Variants in CTNNA3 observed in about 807,000 individuals in gnomAD.
The protein encoded by CTNNA3 is catenin alpha 3.
Under a neutral mutation model 95.7 loss-of-function variants are expected in CTNNA3, and 76 were observed. That is an observed-to-expected ratio of 0.79 (90% CI 0.66 to 0.96). CTNNA3 has a LOEUF of 0.96. Among genes scored for constraint, CTNNA3 ranks in the 40% least tolerant of loss-of-function variants. The pLI is 0.00. For missense variants in CTNNA3, 1,191 were observed against 1,089.8 expected (o/e 1.09, Z -1.31); for synonymous variants, 431 against 374.4 (o/e 1.15, Z -1.74).
chr10:66,456,020 CA>C (rs1417187536), intron 11 of CTNNA3, among the ~76,000 whole-genome samples: 1 of 152,110 alleles, frequency 6.6e-6, no homozygotes, highest in African/African-American at 2.4e-5. Flanking sequence ...ATGCAGAAAA[CA>C]ACAAATGCTG....
At chr10:66,107,705 A>C (rs1242753609) in intron 13 of CTNNA3, among the ~76,000 whole-genome samples, 1 of 152,132 alleles carries the variant, frequency 6.6e-6, no homozygotes, top group African/African-American at 2.4e-5. Context: ...TCCCTAATGA[A>C]ACAGGTGGCA....
At chr10:66,516,367 G>C (rs998220215) in intron 11 of CTNNA3, among the ~76,000 whole-genome samples, 1 of 152,168 alleles carries the variant, frequency 6.6e-6, no homozygotes, top group East Asian at 1.9e-4. Context: ...CTGCTTGACT[G>C]TTTAATGGCC....
At chr10:67,223,174 T>C (rs1291504944) in intron 5 of CTNNA3, among the ~76,000 whole-genome samples, 3 of 152,176 alleles carry the variant, frequency 2.0e-5, no homozygotes, top group South Asian at 2.1e-4. Flanking sequence ...TAAGGAAAAC[T>C]GACAAGGCAT....
At chr10:67,330,638 C>G (rs939997761) in intron 5 of CTNNA3, among the ~76,000 whole-genome samples, 2 of 151,982 alleles carry the variant, frequency 1.3e-5, no homozygotes, top group African/African-American at 4.8e-5. Flanking sequence ...GTGAGTCCTG[C>G]TGCCACCCCA....
At chr10:66,484,749 T>C (rs977850218) in intron 11 of CTNNA3, among the ~76,000 whole-genome samples, 3 of 151,948 alleles carry the variant, frequency 2.0e-5, no homozygotes, top group Non-Finnish European at 4.4e-5. Context: ...ATTACCCACA[T>C]AACAAAGTCA....
At chr10:67,451,970 C>T (rs1330460812) in intron 5 of CTNNA3, among the ~76,000 whole-genome samples, 3 of 144,050 alleles carry the variant, frequency 2.1e-5, no homozygotes, top group African/African-American at 7.6e-5. Flanking sequence ...GTGATAACTA[C>T]ATGCAAACAC....
chr10:67,633,599 C>G (rs1243486141), intron 2 of CTNNA3, among the ~76,000 whole-genome samples: 1 of 152,128 alleles, frequency 6.6e-6, no homozygotes, highest in Non-Finnish European at 1.5e-5. Flanking sequence ...ACTGAGGCAA[C>G]TAGGGTCTGG....
chr10:66,539,334 C>A (rs1314177238), intron 10 of CTNNA3, among the ~76,000 whole-genome samples: 1 of 152,022 alleles, frequency 6.6e-6, no homozygotes. Context: ...AGTAAATCTA[C>A]ATTTACATAA....
In CTNNA3 at chr10:66,090,594, AC is replaced by A. The variant is rs1223003977; in HGVS notation, c.1977+12562del. On this transcript the variant is annotated intron_variant, in intron 14 of 17. Coordinates refer to ENST00000433211, the MANE Select transcript of CTNNA3 (RefSeq NM_013266.4). ...TAGTAAGTGGCAAAGTCTGATTCAA[AC>A]ATAGGAGTCTAGCTCCAGAAATTGT... 2.0e-5 allele frequency among the ~76,000 whole-genome samples: 3 copies of A among 152,176 alleles called. 1 individual carries two copies. The highest frequency in any genetic ancestry group is 3.9e-4 in the East Asian group (2 of 5,166).
At chr10:66,164,270 T>C (rs2085006818) in intron 13 of CTNNA3, among the ~76,000 whole-genome samples, 1 of 152,210 alleles carries the variant, frequency 6.6e-6, no homozygotes, top group South Asian at 2.1e-4. Context: ...ACCATCAAGA[T>C]ACCTATTAAT....
chr10:66,896,045 C>T (rs10997435), intron 7 of CTNNA3, among the ~76,000 whole-genome samples: 60,357 of 151,708 alleles, frequency 0.4, 12,307 homozygotes, highest in Non-Finnish European at 0.44. Flanking sequence ...TGTGGTGAGC[C>T]GAGATTGCGC....
chr10:67,233,630 A>C (rs1221752767), intron 5 of CTNNA3, among the ~76,000 whole-genome samples: 1 of 147,568 alleles, frequency 6.8e-6, no homozygotes, highest in Non-Finnish European at 1.5e-5. Context: ...ACACATTCAA[A>C]AGCTAGCAGA....
chr10:67,083,175 A>C (rs1465044374), intron 7 of CTNNA3, among the ~76,000 whole-genome samples: 1 of 152,198 alleles, frequency 6.6e-6, no homozygotes, highest in Non-Finnish European at 1.5e-5. Context: ...TTTGAGAAAA[A>C]AAAAAACTTC....
At chr10:67,312,592 A>G (rs538244408) in intron 5 of CTNNA3, among the ~76,000 whole-genome samples, 2 of 152,350 alleles carry the variant, frequency 1.3e-5, no homozygotes, top group South Asian at 4.1e-4. Context: ...AAGGGGGAGA[A>G]GAGGAGACTG....
intron 11 of CTNNA3, among the ~76,000 whole-genome samples, chr10:66,491,635 A>G (rs1839927015): frequency 6.6e-6 from 1 of 152,180 alleles, no homozygotes; most frequent in Non-Finnish European, 1.5e-5. Context: ...TGGTAAATAG[A>G]CATCCTTAAA....
intron 5 of CTNNA3, among the ~76,000 whole-genome samples, chr10:67,279,509 A>G (rs1276891238): frequency 6.6e-6 from 1 of 152,082 alleles, no homozygotes; most frequent in Non-Finnish European, 1.5e-5. Context: ...GGAAATACAC[A>G]CACTGCAAGA....
intron 9 of CTNNA3, among the ~76,000 whole-genome samples, chr10:66,657,334 T>C (rs146490630): frequency 1.9e-4 from 29 of 152,314 alleles, no homozygotes; most frequent in African/African-American, 6.0e-4. Context: ...TTTAATCTTA[T>C]AGCAACCTTA....
intron 13 of CTNNA3, among the ~76,000 whole-genome samples, chr10:66,239,795 C>A (rs2090023149): frequency 6.6e-6 from 1 of 151,822 alleles, no homozygotes; most frequent in South Asian, 2.1e-4. Context: ...TGTTACTAGG[C>A]TACTTAACTG....
At chr10:66,965,479 G>T (rs528149763) in intron 7 of CTNNA3, among the ~76,000 whole-genome samples, 2 of 150,250 alleles carry the variant, frequency 1.3e-5, no homozygotes, top group African/African-American at 4.9e-5. Context: ...AGGTTGCAGT[G>T]AGCCGAGATC....
Sources: gnomAD v4.1 joint callset for allele counts (sites outside exome capture counted in the v4.1 genomes callset) on GRCh38, gnomAD v4.1.1 for gene constraint, MANE v1.5 for transcripts, NCBI Gene and HGNC (gene_info 2026-07-23, HGNC 2026-07-21) for gene names.